The following PREX2 variants were observed in gnomAD, a reference collection of about 807,000 sequenced individuals.
PREX2 encodes the protein phosphatidylinositol-3,4,5-trisphosphate dependent Rac exchange factor 2.
In PREX2, 107 loss-of-function variants were observed where a neutral mutation model predicts 203.2. That is an observed-to-expected ratio of 0.53 (90% CI 0.45 to 0.62). The LOEUF is 0.62. PREX2 is among the 20% of genes least tolerant of loss of function. The pLI is 0.00. For synonymous variants in PREX2, 672 were observed against 663.6 expected, an observed-to-expected ratio of 1.01 and a Z score of -0.19; for missense variants, 1,777 against 1,955.9, an observed-to-expected ratio of 0.91 and a Z score of 1.72.
intron 34 of PREX2, among the ~76,000 whole-genome samples, chr8:68,153,153 A>G (rs115649515): frequency 2.8e-4 from 43 of 152,342 alleles, no homozygotes; most frequent in African/African-American, 9.1e-4. Context: ...ACTGGGACCA[A>G]TTCTGAGGAA....
At position 68,007,359 on chromosome 8, in the gene PREX2, T is replaced by C. The variant is rs12546371; in HGVS notation, c.142-10487T>C. Among the ~76,000 whole-genome samples the C allele has an allele frequency of 3.6e-3, 544 of 152,338 alleles. 2 individuals are homozygous for C. Among genetic ancestry groups the C allele is most frequent in the Admixed American group, 4.4e-3 (67 of 15,302 alleles). ...TTATAAATAAAAAGTCATGAATGAC[T>C]TAAAAGCAGTTCAAAAATGTTTTAC... On this transcript the variant is annotated intron_variant, in intron 1 of 39. Coordinates refer to ENST00000288368, the MANE Select transcript of PREX2 (RefSeq NM_024870.4).
At chr8:67,999,585 G>A (rs1026290338) in intron 1 of PREX2, among the ~76,000 whole-genome samples, 2 of 149,880 alleles carry the variant, frequency 1.3e-5, no homozygotes, top group Non-Finnish European at 3.0e-5. Flanking sequence ...CAAAAAAATC[G>A]AGGAGGAGAG....
intron 7 of PREX2, among the ~76,000 whole-genome samples, chr8:68,043,756 AT>A (rs1272622266): frequency 1.3e-5 from 2 of 152,074 alleles, no homozygotes; most frequent in Non-Finnish European, 2.9e-5. Context: ...TGTGTGCTTA[AT>A]GATTCAAATA....
At chr8:68,185,747 A>G (rs951745557) in intron 35 of PREX2, among the ~76,000 whole-genome samples, 1 of 123,272 alleles carries the variant, frequency 8.1e-6, no homozygotes, top group African/African-American at 3.3e-5. Flanking sequence ...GTGTCATAAT[A>G]TATTTATTTT....
chr8:68,171,782 G>A (rs1359774072), intron 35 of PREX2, among the ~76,000 whole-genome samples: 2 of 152,136 alleles, frequency 1.3e-5, no homozygotes, highest in Non-Finnish European at 2.9e-5. Context: ...GAAACCACAA[G>A]AGTATAGCTT....
intron 7 of PREX2, among the ~76,000 whole-genome samples, chr8:68,039,752 A>G (rs1808139557): frequency 1.3e-5 from 2 of 152,126 alleles, no homozygotes; most frequent in East Asian, 3.9e-4. Flanking sequence ...TCAACATCCC[A>G]CATCCAATCC....
At chr8:68,103,804 G>A (rs1184765029) in intron 23 of PREX2, 7 of 498,308 alleles carry the variant, frequency 1.4e-5, no homozygotes, top group South Asian at 6.0e-5. Flanking sequence ...GGGCTCCTCT[G>A]TGGTATCCTA....
At chr8:67,993,108 G>A (rs1478987188) in intron 1 of PREX2, among the ~76,000 whole-genome samples, 1 of 152,102 alleles carries the variant, frequency 6.6e-6, no homozygotes, top group Non-Finnish European at 1.5e-5. Flanking sequence ...ATTTTAAACG[G>A]CTGTAGATTT....
chr8:68,091,388 GA>G (rs1809869721), intron 20 of PREX2, among the ~76,000 whole-genome samples: 1 of 152,186 alleles, frequency 6.6e-6, no homozygotes, highest in South Asian at 2.1e-4. Flanking sequence ...GCATATAAAA[GA>G]AAACTCCTGC....
intron 30 of PREX2, among the ~76,000 whole-genome samples, chr8:68,126,115 G>C (rs574045553): frequency 2.7e-4 from 41 of 152,054 alleles, no homozygotes; most frequent in Non-Finnish European, 3.1e-4. Flanking sequence ...AGGCTAGATT[G>C]TTAGATAATT....
At chr8:68,137,332 A>G (rs1021096875) in intron 32 of PREX2, among the ~76,000 whole-genome samples, 37 of 152,114 alleles carry the variant, frequency 2.4e-4, no homozygotes, top group Non-Finnish European at 4.6e-4. Context: ...TAGCAGTGCA[A>G]TCTTGGCTCA....
At chr8:68,168,706 T>C (rs1302299503) in intron 35 of PREX2, among the ~76,000 whole-genome samples, 3 of 152,202 alleles carry the variant, frequency 2.0e-5, no homozygotes, top group Non-Finnish European at 4.4e-5. Context: ...CTAAATTGCT[T>C]TTGGGCAATC....
At chr8:68,192,608 A>C in intron 37 of PREX2, 83 bp downstream of exon 37, 1 of 1,092,310 alleles carries the variant, frequency 9.2e-7, no homozygotes, top group South Asian at 1.7e-5. Flanking sequence ...GGCTTCACAA[A>C]ATTAAAACTG....
In PREX2 at chr8:68,036,777, C is replaced by G. The variant is rs532867533; in HGVS notation, c.706-1382C>G. On this transcript the variant is annotated intron_variant, in intron 6 of 39. Coordinates refer to ENST00000288368, the MANE Select transcript of PREX2 (RefSeq NM_024870.4). ...CCTGACCGACATGGAGAAACCCCGT[C>G]TCTTCTAAAAATATAAAATTAGCTG... 5.9e-5 allele frequency among the ~76,000 whole-genome samples: 9 copies of G among 152,124 alleles called. No homozygotes were observed. The East Asian group carries it at 1.7e-3, about 30-fold the overall frequency.
rs369006302 is a variant in PREX2 at position 68,134,046 on chromosome 8, T to C, written c.3767-13T>C. The C allele has an allele frequency of 3.1e-5, 50 of 1,609,666 alleles. No individual in the cohort carries two copies. The Admixed American group carries it at 4.0e-4, about 13-fold the overall frequency. ...ATTTTTCGAAGCATTCTCTATGTTC[T>C]CTTTGATCACAGATAGTGAGACACA... On this transcript the variant is annotated splice_polypyrimidine_tract_variant and intron_variant, in intron 31 of 39. Coordinates refer to ENST00000288368, the MANE Select transcript of PREX2 (RefSeq NM_024870.4).
Position 68,191,725 on chromosome 8 carries a change from A to G in PREX2, c.4350A>G (p.Ala1450=), listed in dbSNP as rs1812298531. Residue 1450 remains alanine (A), a synonymous_variant, in exon 36 of 40, where the codon GCA becomes GCG. Transcript: ENST00000288368. ...KVKQYNQKLR[A]FYLDKSNSPP... Reference sequence around the variant, plus strand: ...TTTATTTCTTGGATTCTTACAGGGCATTCTACTTGGACAAGTCAAATTCAC... The same window carrying G: ...TTTATTTCTTGGATTCTTACAGGGCGTTCTACTTGGACAAGTCAAATTCAC... The G allele has an allele frequency of 1.5e-5, 24 of 1,606,236 alleles. No homozygotes were observed. Among genetic ancestry groups the G allele is most frequent in the Non-Finnish European group, 2.0e-5 (23 of 1,173,008 alleles).
intron 35 of PREX2, among the ~76,000 whole-genome samples, chr8:68,175,156 G>T (rs921515760): frequency 6.6e-5 from 10 of 152,304 alleles, no homozygotes; most frequent in African/African-American, 2.2e-4. Flanking sequence ...AGGGACTGGG[G>T]GCAGTTCTGA....
chr8:68,079,915 C>T (rs1809461718), intron 15 of PREX2, among the ~76,000 whole-genome samples: 1 of 152,220 alleles, frequency 6.6e-6, no homozygotes, highest in Middle Eastern at 3.4e-3. Flanking sequence ...ACTGAAATCA[C>T]ATTTAACCCA....
intron 1 of PREX2, among the ~76,000 whole-genome samples, chr8:68,015,845 C>T (rs1017048276): frequency 7.2e-5 from 11 of 152,120 alleles, no homozygotes; most frequent in Non-Finnish European, 1.3e-4. Flanking sequence ...TAATTTTTTT[C>T]ACCAATTATC....
Sources: gnomAD v4.1 joint callset for allele counts (sites outside exome capture counted in the v4.1 genomes callset) on GRCh38, gnomAD v4.1.1 for gene constraint, MANE v1.5 for transcripts, NCBI Gene and HGNC (gene_info 2026-07-23, HGNC 2026-07-21) for gene names.